Variants in KRT78 observed in about 807,000 individuals in gnomAD.
KRT78 encodes the protein keratin 78.
A neutral mutation model predicts 51.4 loss-of-function variants in KRT78; 55 were observed. That is an observed-to-expected ratio of 1.07 (90% CI 0.86 to 1.34). The LOEUF is 1.34. KRT78 is among the 40% of genes most tolerant of loss of function. KRT78 has a pLI of 0.00. For missense variants in KRT78, 652 were observed against 649.4 expected (o/e 1.00, Z -0.04); for synonymous variants, 291 against 264.3 (o/e 1.10, Z -0.98).
rs886118103 is a variant in KRT78, at chr12:52,846,683, C to A, written c.660+81G>T. 1.9e-5 allele frequency: 25 copies of A among 1,299,186 alleles called. No individual in the cohort carries two copies. The Admixed American group carries it at 2.5e-4, about 13-fold the overall frequency. 80.5% of individuals were successfully genotyped at this position (1,299,186 alleles called of 1,614,324 possible). On this transcript the variant is annotated intron_variant, in intron 3 of 8. Coordinates refer to ENST00000304620, the MANE Select transcript of KRT78 (RefSeq NM_173352.4). ...CCTGTCCTAAATCAGGACCTCCCAC[C>A]TTTTCCCTCCCAGCCTAGGACTAGG...
rs892718937 is a variant in KRT78 at position 52,838,147 on chromosome 12, A to G, written c.*966T>C. The G allele has an allele frequency of 1.3e-5, 2 of 152,176 alleles. No homozygotes were observed. The highest frequency in any genetic ancestry group is 1.3e-4 in the Admixed American group (2 of 15,288). 9.4% of individuals were successfully genotyped at this position (152,176 alleles called of 1,614,324 possible). ...CGTAGTGTGACCTCCTGCAGCCCAGACTATGGAGTTTGGGGTTGAGCCAGG... is the reference window on the plus strand; with the variant it reads ...CGTAGTGTGACCTCCTGCAGCCCAGGCTATGGAGTTTGGGGTTGAGCCAGG... On this transcript the variant is annotated 3_prime_UTR_variant, in exon 9 of 9. Transcript: ENST00000304620.
rs767349452 is a variant in KRT78, at chr12:52,847,934, C to T, written c.572G>A (p.Arg191Gln). 1.4e-5 allele frequency: 22 copies of T among 1,614,044 alleles called. No homozygotes were observed. The highest frequency in any genetic ancestry group is 1.1e-4 in the African/African-American group (8 of 74,910). ...GALDAELKAC[R>Q]DQEEEYKSKY... ...GGACTTATACTCCTCCTCCTGGTCC[C>T]GGCAGGCCTTCAACTCAGCATCCAG... Residue 191 changes from arginine to glutamine, a missense_variant, in exon 2 of 9, where the codon CGG becomes CAG. Coordinates refer to ENST00000304620, the MANE Select transcript of KRT78 (RefSeq NM_173352.4).
In KRT78 at chr12:52,839,951, C is replaced by T. The variant is rs575822790; in HGVS notation, c.1081G>A (p.Glu361Lys). The T allele has an allele frequency of 6.2e-7, 1 of 1,613,732 alleles. No individual in the cohort carries two copies. Among genetic ancestry groups the T allele is most frequent in the Non-Finnish European group, 8.5e-7 (1 of 1,179,738 alleles). The change falls in exon 7 of 9, where the codon GAG (glutamate) becomes AAG (lysine). Residue 361 changes from glutamate (E) to lysine (K), a missense_variant. Physicochemically the swap from Glu to Lys is moderately conservative, Grantham distance 56. Transcript: ENST00000304620. ...TTGAGGGCCAGCTCCCCACGCTGCT[C>T]AGCATCAGTGATGGCGGCCTGCAGG... is the stretch of plus-strand genomic sequence containing the variant. ...ASLQAAITDA[E>K]QRGELALKDA...
At chr12:52,841,330 A>T (rs1416669166) in intron 6 of KRT78, among the ~76,000 whole-genome samples, 1 of 151,696 alleles carries the variant, frequency 6.6e-6, no homozygotes, top group Non-Finnish European at 1.5e-5. Flanking sequence ...AAAAATAAAA[A>T]AAAAAAATTA....
intron 2 of KRT78, among the ~76,000 whole-genome samples, 167 bp downstream of exon 2, chr12:52,847,740 C>A (rs1285289263): frequency 6.6e-6 from 1 of 152,118 alleles, no homozygotes; most frequent in Non-Finnish European, 1.5e-5. Context: ...TTACCTGTAG[C>A]AGGTGGGCAC....
At position 52,848,630 on chromosome 12, in the gene KRT78, C is replaced by T. The variant is rs1404647442; in HGVS notation, c.301G>A (p.Asp101Asn). The T allele has an allele frequency of 2.0e-5, 32 of 1,613,882 alleles. No individual in the cohort carries two copies. The highest frequency in any genetic ancestry group is 2.5e-5 in the Non-Finnish European group (30 of 1,179,960). Residue 101 changes from aspartate to asparagine, a missense_variant, in exon 1 of 9, where the codon GAT (aspartate) becomes AAT (asparagine). Coordinates refer to ENST00000304620, the MANE Select transcript of KRT78 (RefSeq NM_173352.4). ...GTCCGCACCACCTGGAACTGGGGAT[C>T]GATCTCAATCTTCAGTGGGGTCAGC... is the stretch of plus-strand genomic sequence containing the variant. ...NLLTPLKIEI[D>N]PQFQVVRTQE...
rs61764062 is a variant in KRT78, at chr12:52,844,563, G to A, written c.917C>T (p.Thr306Ile). The A allele has an allele frequency of 0.045, 72,240 of 1,612,512 alleles. 2,603 individuals carry two copies. Among genetic ancestry groups the A allele is most frequent in the Admixed American group, 0.16 (9,363 of 59,860 alleles). The change falls in exon 5 of 9, where the codon ACC becomes ATC. Residue 306 changes from threonine (T) to isoleucine (I), a missense_variant. Coordinates refer to ENST00000304620, the MANE Select transcript of KRT78 (RefSeq NM_173352.4). ...SKAEAEALYQ[T>I]KYQELQVSAQ... ...CTGCCCCCCAGGTCCCACCACCTTG[G>A]TCTGGTACAAGGCCTCAGCCTCAGC...
intron 6 of KRT78, among the ~76,000 whole-genome samples, chr12:52,841,011 C>A (rs1273127317): frequency 2.6e-5 from 4 of 152,138 alleles, no homozygotes; most frequent in Non-Finnish European, 5.9e-5. Context: ...TTCTTCCCAC[C>A]CCCAGCCCTC....
At chr12:52,844,329 G>A (rs1940589684) in intron 5 of KRT78, 111 bp from the exon 6 acceptor site, 2 of 1,327,970 alleles carry the variant, frequency 1.5e-6, no homozygotes, top group African/African-American at 1.5e-5. Context: ...TGGGTTAAAC[G>A]CCTGAGCCAG....
At chr12:52,840,168 T>G (rs1565697413) in intron 6 of KRT78, among the ~76,000 whole-genome samples, 184 bp from the exon 7 acceptor site, 1 of 152,258 alleles carries the variant, frequency 6.6e-6, no homozygotes, top group East Asian at 1.9e-4. Flanking sequence ...AGGGAAGGTA[T>G]TGCTTCCCTC....
At chr12:52,843,701 A>AAAAT (rs1176593295) in intron 6 of KRT78, among the ~76,000 whole-genome samples, 1 of 138,890 alleles carries the variant, frequency 7.2e-6, no homozygotes, top group Non-Finnish European at 1.5e-5. Context: ...AAAAAAAAAA[A>AAAAT]AAAAGAAAAA....
chr12:52,839,562 C>T, intron 7 of KRT78, 75 bp from the exon 8 acceptor site: 1 of 1,455,334 alleles, frequency 6.9e-7, no homozygotes, highest in South Asian at 1.4e-5. Flanking sequence ...CTTTTAAGCC[C>T]CTCAAAGCAG....
intron 6 of KRT78, among the ~76,000 whole-genome samples, chr12:52,842,617 A>C (rs1940523540): frequency 6.6e-6 from 1 of 152,032 alleles, no homozygotes; most frequent in Non-Finnish European, 1.5e-5. Flanking sequence ...TCAAAAGAAG[A>C]GATAAGAAAA....
chr12:52,842,959 G>GAGAAAGGAAGGAAGGA (rs1299063277), intron 6 of KRT78, among the ~76,000 whole-genome samples: 4 of 53,760 alleles, frequency 7.4e-5, no homozygotes, highest in Admixed American at 2.0e-4. Flanking sequence ...GAGAGAGAGA[G>GAGAAAGGAAGGAAGGA]AGGAAGGAAG....
chr12:52,848,843 A>T lies in KRT78; in HGVS notation c.88T>A (p.Phe30Ile). ...CTGCTGAAGCCGCCCCTGCTGCTGA[A>T]GCCTCCCCTGCTGCGGCCCCTTGAG... ...ARSRGRSRGGFSSRGGFSSRS... is the reference protein window; with the variant it reads ...ARSRGRSRGGISSRGGFSSRS... Residue 30 changes from phenylalanine (F) to isoleucine (I), a missense_variant, in exon 1 of 9, where the codon TTC becomes ATC. By Grantham distance (21) the Phe-to-Ile change is conservative. Transcript: ENST00000304620. 2 of 1,611,196 alleles carry T rather than the reference A, an allele frequency of 1.2e-6. No homozygotes were observed. The highest frequency in any genetic ancestry group is 1.7e-6 in the Non-Finnish European group (2 of 1,179,676).
chr12:52,839,823 C>T lies in KRT78; in HGVS notation c.1209G>A (p.Lys403=), dbSNP rs753201002. The T allele has an allele frequency of 1.6e-5, 26 of 1,613,946 alleles. No homozygotes were observed. Among genetic ancestry groups the T allele is most frequent in the Non-Finnish European group, 2.2e-5 (26 of 1,180,028 alleles). The change falls in exon 7 of 9, where the codon AAG becomes AAA. Residue 403 remains lysine (K), a synonymous_variant. Coordinates refer to ENST00000304620, the MANE Select transcript of KRT78 (RefSeq NM_173352.4). ...TGGCAATCTCCACATCCAGGGAAAG[C>T]TTCGTGCTCGTCAGCTCCTGGTACT... ...LCEYQELTST[K]LSLDVEIATY...
intron 6 of KRT78, among the ~76,000 whole-genome samples, chr12:52,842,959 G>GAGAGAGAGAGAGAGAGAGAA (rs1299063277): frequency 1.7e-4 from 9 of 53,750 alleles, no homozygotes; most frequent in African/African-American, 9.3e-4. Context: ...GAGAGAGAGA[G>GAGAGAGAGAGAGAGAGAGAA]AGGAAGGAAG....
chr12:52,844,332 T>C, intron 5 of KRT78, 114 bp from the exon 6 acceptor site: 1 of 1,315,618 alleles, frequency 7.6e-7, no homozygotes, highest in Non-Finnish European at 1.0e-6. Flanking sequence ...GTTAAACGCC[T>C]GAGCCAGGAC....
Position 52,844,638 on chromosome 12 carries a change from A to C in KRT78, c.842T>G (p.Ile281Ser), listed in dbSNP as rs141892394. 736 of 1,614,014 alleles carry C rather than the reference A, an allele frequency of 4.6e-4. 9 individuals are homozygous for C. The highest frequency in any genetic ancestry group is 8.6e-5 in the Non-Finnish European group (101 of 1,180,018). ...GTACCGGGCGCGGACCTCAGTGATG[A>C]TGCTGCTGAAGTCCAGGTAGCGGTT... is the stretch of plus-strand genomic sequence containing the variant. ...DNNRYLDFSS[I>S]ITEVRARYEE... Residue 281 changes from isoleucine (I) to serine (S), a missense_variant, in exon 5 of 9, where the codon ATC becomes AGC. Transcript: ENST00000304620.
Sources: allele counts gnomAD v4.1 joint callset (sites outside exome capture counted in the v4.1 genomes callset), GRCh38; gene constraint gnomAD v4.1.1; transcripts MANE v1.5; gene names NCBI Gene and HGNC (gene_info 2026-07-23, HGNC 2026-07-21).